The following RAPGEF2 variants were observed in gnomAD, a reference collection of about 807,000 sequenced individuals.
RAPGEF2 encodes the protein Rap guanine nucleotide exchange factor 2.
RAPGEF2 carries 54 observed loss-of-function variants against 186.7 expected under a neutral mutation model. The ratio of observed to expected loss-of-function variants is 0.29; its 90% CI spans 0.23 to 0.36. The LOEUF (loss-of-function observed/expected upper bound fraction) is 0.36, where lower values mean the gene tolerates loss of function less well. Ranked by LOEUF, RAPGEF2 falls within the 10% of genes least tolerant of loss-of-function variation. The pLI is 1.00. For synonymous variants in RAPGEF2, 712 were observed against 705.9 expected, an observed-to-expected ratio of 1.01 and a Z score of -0.14; for missense variants, 1,532 against 2,045.0, an observed-to-expected ratio of 0.75 and a Z score of 4.84.
intron 7 of RAPGEF2, among the ~76,000 whole-genome samples, chr4:159,293,491 TC>T (rs1761509653): frequency 6.6e-6 from 1 of 152,226 alleles, no homozygotes; most frequent in South Asian, 2.1e-4. Context: ...AAATGAACTG[TC>T]GTGTTTATTT....
chr4:159,236,357 C>A (rs1753257902), intron 4 of RAPGEF2, among the ~76,000 whole-genome samples: 1 of 152,174 alleles, frequency 6.6e-6, no homozygotes, highest in Non-Finnish European at 1.5e-5. Flanking sequence ...ACTTCCTAGC[C>A]ATGAAGTTCT....
At chr4:159,235,636 G>T (rs1277146562) in intron 4 of RAPGEF2, among the ~76,000 whole-genome samples, 1 of 152,042 alleles carries the variant, frequency 6.6e-6, no homozygotes, top group African/African-American at 2.4e-5. Context: ...TGTCTGTGAG[G>T]TACTTTATCT....
At chr4:159,104,518 G>GAGAGAC (rs1737601542) in intron 1 of RAPGEF2, among the ~76,000 whole-genome samples, 1 of 130,194 alleles carries the variant, frequency 7.7e-6, no homozygotes. Flanking sequence ...GAGAGAGAGA[G>GAGAGAC]AGAGAGAGGG....
At chr4:159,186,820 T>C in intron 2 of RAPGEF2, 108 bp downstream of exon 2, 4 of 592,344 alleles carry the variant, frequency 6.8e-6, no homozygotes, top group South Asian at 5.1e-5. Context: ...ATAATAATTG[T>C]ACATATTCGT....
chr4:159,354,097 G>A, intron 28 of RAPGEF2, 51 bp downstream of exon 28: 1 of 1,464,454 alleles, frequency 6.8e-7, no homozygotes, highest in Non-Finnish European at 9.2e-7. Context: ...TGTCTTTAAT[G>A]TAACTTATTA....
At chr4:159,325,436 C>T (rs562636856) in intron 11 of RAPGEF2, among the ~76,000 whole-genome samples, 2 of 151,986 alleles carry the variant, frequency 1.3e-5, no homozygotes, top group Non-Finnish European at 2.9e-5. Context: ...TAATTGTACT[C>T]TTAAAAAAAA....
intron 16 of RAPGEF2, 64 bp from the exon 17 acceptor site, chr4:159,332,387 C>A (rs1476960758): frequency 2.1e-5 from 32 of 1,508,208 alleles, no homozygotes; most frequent in Non-Finnish European, 1.1e-5. Flanking sequence ...CCACAATTGC[C>A]TTAGAATTGT....
chr4:159,147,632 G>C (rs1055182687), intron 1 of RAPGEF2, among the ~76,000 whole-genome samples: 30 of 152,194 alleles, frequency 2.0e-4, no homozygotes, highest in African/African-American at 7.2e-4. Flanking sequence ...GATATTTATG[G>C]TTAGATGTCA....
chr4:159,128,713 A>G (rs1416956845), intron 1 of RAPGEF2: 1 of 151,868 alleles, frequency 6.6e-6, no homozygotes. Context: ...TTCAGACTTC[A>G]AAGAACCATT....
intron 11 of RAPGEF2, among the ~76,000 whole-genome samples, chr4:159,324,004 C>T (rs2111164482): frequency 6.6e-6 from 1 of 152,178 alleles, no homozygotes; most frequent in Admixed American, 6.5e-5. Context: ...TCAAGCGATT[C>T]TCCTGCCTCA....
intron 1 of RAPGEF2, among the ~76,000 whole-genome samples, chr4:159,115,307 A>G (rs890769432): frequency 2.6e-5 from 4 of 152,250 alleles, no homozygotes; most frequent in Admixed American, 2.6e-4. Context: ...ATTTTCAATA[A>G]TAAAGACATA....
intron 3 of RAPGEF2, among the ~76,000 whole-genome samples, chr4:159,202,130 T>C (rs1341422589): frequency 2.0e-5 from 3 of 152,218 alleles, no homozygotes; most frequent in Non-Finnish European, 4.4e-5. Flanking sequence ...TTCTGGACAT[T>C]TTGCCTATTC....
intron 17 of RAPGEF2, among the ~76,000 whole-genome samples, chr4:159,336,208 T>C (rs1767396662): frequency 6.6e-6 from 1 of 152,174 alleles, no homozygotes; most frequent in Non-Finnish European, 1.5e-5. Flanking sequence ...CACGTGGTTT[T>C]TTGTTACATG....
At chr4:159,163,954 T>A (rs1744993350) in intron 1 of RAPGEF2, among the ~76,000 whole-genome samples, 1 of 152,190 alleles carries the variant, frequency 6.6e-6, no homozygotes, top group African/African-American at 2.4e-5. Context: ...TCATAAAATA[T>A]GACTTCAAAG....
chr4:159,201,681 G>A (rs1389440411), intron 3 of RAPGEF2, among the ~76,000 whole-genome samples: 4 of 152,216 alleles, frequency 2.6e-5, no homozygotes, highest in Non-Finnish European at 4.4e-5. Flanking sequence ...AGGGGAACCC[G>A]CAGAATGTGA....
At chr4:159,195,882 T>TG (rs1477245454) in intron 3 of RAPGEF2, among the ~76,000 whole-genome samples, 2 of 66,498 alleles carry the variant, frequency 3.0e-5, no homozygotes, top group Non-Finnish European at 7.1e-5. Flanking sequence ...CCTGTTTTTT[T>TG]TTTTTTTTTT....
chr4:159,191,958 G>C (rs983839191), intron 2 of RAPGEF2, among the ~76,000 whole-genome samples: 2 of 152,114 alleles, frequency 1.3e-5, no homozygotes, highest in African/African-American at 4.8e-5. Flanking sequence ...AGGAGCACGG[G>C]GTCTTACACA....
At chr4:159,240,580 G>A (rs1344945295) in intron 5 of RAPGEF2, among the ~76,000 whole-genome samples, 1 of 151,740 alleles carries the variant, frequency 6.6e-6, no homozygotes, top group Non-Finnish European at 1.5e-5. Context: ...TGATCCACCC[G>A]CCTCGGCCTC....
intron 1 of RAPGEF2, among the ~76,000 whole-genome samples, chr4:159,109,798 T>C (rs1026173637): frequency 2.0e-5 from 3 of 152,196 alleles, no homozygotes; most frequent in African/African-American, 7.2e-5. Flanking sequence ...TGACCTACTG[T>C]CATATGAGTA....
Sources: allele counts gnomAD v4.1 joint callset (sites outside exome capture counted in the v4.1 genomes callset), GRCh38; gene constraint gnomAD v4.1.1; transcripts MANE v1.5; gene names NCBI Gene and HGNC (gene_info 2026-07-23, HGNC 2026-07-21).